CEP41: variants seen among roughly 807,000 people sequenced by gnomAD.
The protein encoded by CEP41 is centrosomal protein 41.
Under a neutral mutation model 44.3 loss-of-function variants are expected in CEP41, and 32 were observed. The observed-to-expected ratio is 0.72, with a 90% CI of 0.54 to 0.97. CEP41 has a LOEUF of 0.97. Among genes scored for constraint, CEP41 ranks in the 50% least tolerant of loss-of-function variants. The pLI is 0.00. For synonymous variants in CEP41, 151 were observed against 168.5 expected (o/e 0.90, Z 0.80); for missense variants, 432 against 455.2 (o/e 0.95, Z 0.46).
intron 1 of CEP41, 129 bp downstream of exon 1, chr7:130,440,792 CCCCTGCATCCCGA>C: frequency 1.8e-5 from 12 of 679,678 alleles, no homozygotes; most frequent in East Asian, 5.9e-5. Flanking sequence ...GCCCGCCCCG[CCCCTGCATCCCGA>C]CCCCTCCTCA....
chr7:130,417,232 C>G, intron 2 of CEP41: 1 of 1,266,938 alleles, frequency 7.9e-7, no homozygotes, highest in African/African-American at 1.5e-5. Context: ...CCAGGAGATA[C>G]AGATGATCAT....
chr7:130,419,348 C>T, intron 2 of CEP41: 1 of 985,254 alleles, frequency 1.0e-6, no homozygotes, highest in Non-Finnish European at 1.2e-6. Flanking sequence ...ACAAAAATAC[C>T]CCTAAAAATG....
rs1026084539 is a variant in CEP41 at position 130,395,040 on chromosome 7, G to A, written c.*3851C>T. The A allele has an allele frequency of 2.2e-5, 10 of 453,914 alleles. No individual in the cohort carries two copies. Among genetic ancestry groups the A allele is most frequent in the South Asian group, 6.2e-5 (4 of 64,470 alleles). The allele number at this position is 453,914 out of a possible 1,614,324, so 28.1% of individuals were successfully genotyped here. ...ATCACAATGTGACAGACACCGTTTC[G>A]AAAACACATAAAATCATGCACCGAA... On this transcript the variant is annotated 3_prime_UTR_variant, in exon 11 of 11. Coordinates refer to ENST00000223208, the MANE Select transcript of CEP41 (RefSeq NM_018718.3).
chr7:130,429,109 GC>G, intron 1 of CEP41, among the ~76,000 whole-genome samples: 1 of 152,030 alleles, frequency 6.6e-6, no homozygotes. Flanking sequence ...TGGTTTCTAG[GC>G]CATTTCCTCT....
chr7:130,437,777 A>AAAG (rs533939492), intron 1 of CEP41, among the ~76,000 whole-genome samples: 11,895 of 138,250 alleles, frequency 0.086, 734 homozygotes, highest in South Asian at 0.15. Context: ...AAAAAAAAAA[A>AAAG]AAAAAAAAAA....
intron 2 of CEP41, among the ~76,000 whole-genome samples, chr7:130,418,817 T>G (rs1304573824): frequency 2.6e-5 from 4 of 152,226 alleles, no homozygotes; most frequent in Non-Finnish European, 4.4e-5. Flanking sequence ...GTGTTGTAAA[T>G]TCCCTGAAGA....
At chr7:130,401,029 T>C (rs1796829146) in intron 8 of CEP41, 1 of 565,844 alleles carries the variant, frequency 1.8e-6, no homozygotes, top group African/African-American at 1.9e-5. Flanking sequence ...TGCAAACTGA[T>C]GTTACCATGA....
chr7:130,430,728 G>T (rs1797799907), intron 1 of CEP41, among the ~76,000 whole-genome samples: 1 of 152,114 alleles, frequency 6.6e-6, no homozygotes, highest in Non-Finnish European at 1.5e-5. Flanking sequence ...GTTATCTTGG[G>T]CTAAGGGATT....
At chr7:130,432,588 C>CA (rs56874452) in intron 1 of CEP41, among the ~76,000 whole-genome samples, 2,306 of 59,856 alleles carry the variant, frequency 0.039, 48 homozygotes, top group African/African-American at 0.077. Context: ...TTTGTTTCCA[C>CA]AAAAAAAAAA....
At chr7:130,400,478 C>A (rs1796809287) in intron 9 of CEP41, 3 of 637,908 alleles carry the variant, frequency 4.7e-6, no homozygotes, top group Non-Finnish European at 5.6e-6. Flanking sequence ...TTGCTCGAGT[C>A]TTCAGCATTA....
chr7:130,420,845 T>C, intron 2 of CEP41: 1 of 845,638 alleles, frequency 1.2e-6, no homozygotes, highest in Non-Finnish European at 1.4e-6. Context: ...ATCTACTAAC[T>C]GAAAAATCCT....
At chr7:130,405,249 C>T (rs982998644) in intron 5 of CEP41, among the ~76,000 whole-genome samples, 6 of 152,156 alleles carry the variant, frequency 3.9e-5, no homozygotes, top group Non-Finnish European at 7.3e-5. Flanking sequence ...AGGGTTATCT[C>T]AAGGAAAAGT....
intron 1 of CEP41, among the ~76,000 whole-genome samples, chr7:130,439,401 G>C (rs1554426984): frequency 6.6e-6 from 1 of 151,702 alleles, no homozygotes. Flanking sequence ...TTTTCTACTG[G>C]GGGTTATGAG....
At position 130,400,177 on chromosome 7, in the gene CEP41, G is replaced by A; in HGVS notation, c.835C>T (p.Pro279Ser). ...SLPASCQQAL[P>S]PGSARKRSSP... ...GATCGTTTCCGGGCAGACCCAGGAGGAAGGGCCTGCTGGCAAGATGCTGGC... is the reference window on the plus strand; with the variant it reads ...GATCGTTTCCGGGCAGACCCAGGAGAAAGGGCCTGCTGGCAAGATGCTGGC... The change falls in exon 10 of 11, where the codon CCT becomes TCT. Residue 279 changes from proline (P) to serine (S), a missense_variant. Coordinates refer to ENST00000223208, the MANE Select transcript of CEP41 (RefSeq NM_018718.3). 1 of 1,613,956 alleles carries A rather than the reference G, an allele frequency of 6.2e-7. No homozygotes were observed. Among genetic ancestry groups the A allele is most frequent in the Non-Finnish European group, 8.5e-7 (1 of 1,179,920 alleles).
chr7:130,400,246 C>G lies in CEP41; in HGVS notation c.766G>C (p.Val256Leu), dbSNP rs782548890. Residue 256 changes from valine to leucine, a missense_variant, in exon 10 of 11, where the codon GTC (valine) becomes CTC (leucine). Physicochemically the swap from Val to Leu is conservative, Grantham distance 32. Transcript: ENST00000223208. ...NLFMLSGGLK[V>L]LAQKFPEGLI... ...CCTTCCGGGAATTTCTGAGCTAAGA[C>G]TTTTAGACCTAGGTTTGGAAAATCA... 1.9e-6 allele frequency: 3 copies of G among 1,612,702 alleles called. No individual in the cohort carries two copies. Among genetic ancestry groups the G allele is most frequent in the Admixed American group, 3.3e-5 (2 of 60,006 alleles).
At chr7:130,423,114 T>C (rs371406424) in intron 2 of CEP41, among the ~76,000 whole-genome samples, 1 of 152,056 alleles carries the variant, frequency 6.6e-6, no homozygotes, top group East Asian at 1.9e-4. Context: ...GCCTGGCTAA[T>C]TTTTTTGTAT....
chr7:130,433,381 G>A lies in CEP41; in HGVS notation c.34-5363C>T, dbSNP rs182854258. Among the ~76,000 whole-genome samples the A allele has an allele frequency of 5.3e-5, 8 of 151,948 alleles. No individual in the cohort carries two copies. In the East Asian group the frequency reaches 1.4e-3, roughly 26 times the overall value. On this transcript the variant is annotated intron_variant, in intron 1 of 10. Transcript: ENST00000223208. ...GATGTATATACAGGCTAATGGGCAA[G>A]ATAAGAGAGGTTGAAAATGGTATGG...
At chr7:130,424,139 G>A (rs1481049574) in intron 2 of CEP41, among the ~76,000 whole-genome samples, 1 of 152,204 alleles carries the variant, frequency 6.6e-6, no homozygotes, top group African/African-American at 2.4e-5. Context: ...GCTCATGCCT[G>A]TAATTTCAGC....
intron 2 of CEP41, chr7:130,419,788 C>T (rs782144322): frequency 8.1e-6 from 8 of 985,180 alleles, no homozygotes; most frequent in African/African-American, 1.7e-5. Flanking sequence ...CATTCTCTAA[C>T]GTATCACCTT....
Sources: gnomAD v4.1 joint callset for allele counts (sites outside exome capture counted in the v4.1 genomes callset) on GRCh38, gnomAD v4.1.1 for gene constraint, MANE v1.5 for transcripts, NCBI Gene and HGNC (gene_info 2026-07-23, HGNC 2026-07-21) for gene names.